GCN1: variants seen among roughly 807,000 people sequenced by gnomAD.
GCN1 encodes the protein stalled ribosome sensor GCN1.
GCN1 carries 90 observed loss-of-function variants against 288.4 expected under a neutral mutation model. The observed-to-expected ratio is 0.31, with a 90% confidence interval of 0.26 to 0.37. The LOEUF (loss-of-function observed/expected upper bound fraction) is 0.37, where lower values mean the gene tolerates loss of function less well. Among genes scored for constraint, GCN1 ranks in the 10% least tolerant of loss-of-function variants. The pLI is 1.00. For synonymous variants in GCN1, 1,386 were observed against 1,420.2 expected (o/e 0.98, Z 0.54); for missense variants, 2,586 against 3,419.9 (o/e 0.76, Z 6.08).
In GCN1 at chr12:120,177,534, G is replaced by A. The variant is rs1878518865; in HGVS notation, c.751C>T (p.Arg251Ter). 2 of 1,609,758 alleles carry A rather than the reference G, an allele frequency of 1.2e-6. No homozygotes were observed. Among genetic ancestry groups the A allele is most frequent in the East Asian group, 2.2e-5 (1 of 44,872 alleles). Reference sequence around the variant, plus strand: ...TTAAATTCTGAGTGGGACAGGTATCGGAGCAGAGGGGCACAGCTATCCTAC... The same window carrying A: ...TTAAATTCTGAGTGGGACAGGTATCAGAGCAGAGGGGCACAGCTATCCTAC... ...YLLDSCAPLL[R>*]YLSHSEFKDL... Residue 251 changes from arginine to a stop codon, truncating the protein, a stop_gained, in exon 9 of 58, where the codon CGA becomes TGA. Coordinates refer to ENST00000300648, the MANE Select transcript of GCN1 (RefSeq NM_006836.2). LOFTEE classifies it high-confidence loss of function.
Position 120,183,588 on chromosome 12 carries a change from C to T in GCN1, c.407G>A (p.Gly136Glu). ...ACCTACCAGTTTGTTCCAGATGTCT[C>T]CTTGTCGCTTGGCTCTCGATGGAAA... ...IVFPSRAKRQ[G>E]DIWNKLVEVQ... The change falls in exon 5 of 58, where the codon GGA becomes GAA. Residue 136 changes from glycine (G) to glutamate (E), a missense_variant. Gly to Glu is a moderately conservative substitution (Grantham distance 98). Around this residue, in one of 8 missense-constraint regions of GCN1, gnomAD observed 913 missense variants for 1,107.0 expected, o/e 0.82. Coordinates refer to ENST00000300648, the MANE Select transcript of GCN1 (RefSeq NM_006836.2). The T allele has an allele frequency of 1.2e-6, 2 of 1,610,076 alleles. No homozygotes were observed. Among genetic ancestry groups the T allele is most frequent in the Non-Finnish European group, 1.7e-6 (2 of 1,176,302 alleles).
rs1488348620 is a variant in GCN1 at position 120,129,340 on chromosome 12, C to CG, written c.7825_7826insC (p.Arg2609ThrfsTer18). On this transcript the variant is annotated frameshift_variant, in exon 57 of 58. Transcript: ENST00000300648. LOFTEE classifies it high-confidence loss of function. ...GACAATTGCCTGGTCGCTGTAGGCC[C>CG]TGACCACGGTGTTCTTATCCTTGGT... 1 of 1,614,062 alleles carries CG rather than the reference C, an allele frequency of 6.2e-7. No individual in the cohort carries two copies. The highest frequency in any genetic ancestry group is 8.5e-7 in the Non-Finnish European group (1 of 1,180,044).
At chr12:120,157,063 G>A in intron 26 of GCN1, 71 bp from the exon 27 acceptor site, 2 of 964,756 alleles carry the variant, frequency 2.1e-6, no homozygotes, top group South Asian at 2.6e-5. Context: ...CCAACGGCAG[G>A]GCATCCTCTC....
chr12:120,175,203 C>G lies in GCN1; in HGVS notation c.1052G>C (p.Gly351Ala), dbSNP rs372810069. ...CTTCTGGGCTACAACAGTTAGTTTT[C>G]CTTCCGAGCCTGAGAAGAGAGACAG... Reference protein sequence around the residue: ...HLFAILGGSEGKLTVVAQKMS... With the variant: ...HLFAILGGSEAKLTVVAQKMS... Residue 351 changes from glycine to alanine, a missense_variant, in exon 12 of 58, where the codon GGA (glycine) becomes GCA (alanine). Gly to Ala is a moderately conservative substitution (Grantham distance 60, BLOSUM62 0). This residue lies in a region of GCN1 where 913 missense variants were observed against 1,107.0 expected (regional missense o/e 0.82). Transcript: ENST00000300648. The G allele has an allele frequency of 3.1e-5, 50 of 1,611,836 alleles. No individual in the cohort carries two copies. The African/African-American group carries it at 5.6e-4, about 18-fold the overall frequency.
chr12:120,142,990 C>T lies in GCN1; in HGVS notation c.5496-49G>A, dbSNP rs368956783. ...GTCACACAGCTGCAAGGAGTGGGCT[C>T]GGCACAACTGAGCACTGCACAGAAG... On this transcript the variant is annotated intron_variant, in intron 42 of 57. Transcript: ENST00000300648. This position sits in a 1 kb window ranked among gnomAD's most constrained non-coding sequence, Gnocchi z 4.9. 2.7e-5 allele frequency: 30 copies of T among 1,114,050 alleles called. No individual in the cohort carries two copies. The highest frequency in any genetic ancestry group is 1.6e-4 in the East Asian group (7 of 42,658). 69.0% of individuals were successfully genotyped at this position (1,114,050 alleles called of 1,614,324 possible).
chr12:120,164,859 CA>C (rs1878049744), intron 16 of GCN1, 138 bp from the exon 17 acceptor site: 2 of 501,816 alleles, frequency 4.0e-6, no homozygotes, highest in African/African-American at 4.0e-5. Context: ...AGTGAAATTA[CA>C]GCTTGTTTTT....
In GCN1 at chr12:120,170,214, C is replaced by A; in HGVS notation, c.1474G>T (p.Ala492Ser). The stretch of plus-strand genomic sequence containing the variant: ...GACAACTTTAAGAGCAACAAGGCTG[C>A]GGCAACCCCTTCAGTGATGGTGGGA... ...QVPTITEGVA[A>S]ALLLLKLSVA... The change falls in exon 15 of 58, where the codon GCA (alanine) becomes TCA (serine). Residue 492 changes from alanine (A) to serine (S), a missense_variant. Coordinates refer to ENST00000300648, the MANE Select transcript of GCN1 (RefSeq NM_006836.2). 1.2e-6 allele frequency: 2 copies of A among 1,614,056 alleles called. No homozygotes were observed. The highest frequency in any genetic ancestry group is 1.7e-6 in the Non-Finnish European group (2 of 1,179,902).
At chr12:120,190,484 G>A in intron 1 of GCN1, 84 bp from the exon 2 acceptor site, 1 of 802,224 alleles carries the variant, frequency 1.2e-6, no homozygotes, top group Admixed American at 1.8e-5. Context: ...TGTAGAATTT[G>A]GGGATCTCTC....
rs201486172 is a variant in GCN1, at chr12:120,155,268, G to A, written c.3603C>T (p.Leu1201=). The A allele has an allele frequency of 1.9e-4, 310 of 1,614,182 alleles. No homozygotes were observed. In the African/African-American group the frequency reaches 2.5e-3, roughly 13 times the overall value. ...AGAGCTTTTCCTGGTAAATCTCCAT[G>A]AGCCTGCCCATAACCTCCGCCGCCT... ...QRQAAEVMGR[L]MEIYQEKLYR... The change falls in exon 30 of 58, where the codon CTC becomes CTT. Residue 1201 remains leucine (L), a synonymous_variant. Transcript: ENST00000300648. The surrounding 1 kb of genome is among the most constrained non-coding windows in gnomAD (Gnocchi z 4.9).
rs555375272 is a variant in GCN1, at chr12:120,137,385, T to TG, written c.6664-67dup. 45 of 1,462,584 alleles carry TG rather than the reference T, an allele frequency of 3.1e-5. No homozygotes were observed. In the Admixed American group the frequency reaches 4.2e-4, roughly 14 times the overall value. 90.6% of individuals were successfully genotyped at this position (1,462,584 alleles called of 1,614,324 possible). ...CTCAAGACTGCTTCCAAAGAATATA[T>TG]GGGGAAAGCGTGGGCGGGAGTATAA... On this transcript the variant is annotated intron_variant, in intron 49 of 57. Transcript: ENST00000300648. This position sits in a 1 kb window ranked among gnomAD's most constrained non-coding sequence, Gnocchi z 5.2.
chr12:120,177,411 A>C, intron 9 of GCN1, 36 bp downstream of exon 9: 1 of 1,050,778 alleles, frequency 9.5e-7, no homozygotes, highest in South Asian at 1.3e-5. Context: ...TAGGCAACTC[A>C]TCTCCCTCCC....
rs1877066447 is a variant in GCN1, at chr12:120,137,976, G to A, written c.6318C>T (p.Thr2106=). ...FLSSVAGDAL[T]RHLGVILPAV... is the part of the protein sequence containing the mutation. ...CTGGGAGGATCACGCCAAGATGACG[G>A]GTGAGGGCATCACCAGCCACTGACG... Residue 2106 remains threonine (T), a synonymous_variant, in exon 48 of 58, where the codon ACC becomes ACT. Transcript: ENST00000300648. The surrounding 1 kb of genome is among the most constrained non-coding windows in gnomAD (Gnocchi z 5.2). 3 of 1,614,022 alleles carry A rather than the reference G, an allele frequency of 1.9e-6. No individual in the cohort carries two copies. Among genetic ancestry groups the A allele is most frequent in the Non-Finnish European group, 2.5e-6 (3 of 1,180,022 alleles).
At chr12:120,181,839 CAAAAAAAA>C (rs1253486479) in intron 5 of GCN1, among the ~76,000 whole-genome samples, 5 of 59,954 alleles carry the variant, frequency 8.3e-5, no homozygotes, top group Non-Finnish European at 6.8e-5. Context: ...AACTCCGTCT[CAAAAAAAA>C]AAAAAAAAAA....
chr12:120,134,520 G>C lies in GCN1; in HGVS notation c.7202+13C>G. On this transcript the variant is annotated intron_variant, in intron 52 of 57. Coordinates refer to ENST00000300648, the MANE Select transcript of GCN1 (RefSeq NM_006836.2). This position sits in a 1 kb window ranked among gnomAD's most constrained non-coding sequence, Gnocchi z 5.0. Reference sequence around the variant, plus strand: ...CTCCTGGAGGCCACAGTGCTCCCTTGCCAGCGCCGTACCTGACACCTGGGT... The same window carrying C: ...CTCCTGGAGGCCACAGTGCTCCCTTCCCAGCGCCGTACCTGACACCTGGGT... 1 of 1,611,176 alleles carries C rather than the reference G, an allele frequency of 6.2e-7. No homozygotes were observed. The highest frequency in any genetic ancestry group is 8.5e-7 in the Non-Finnish European group (1 of 1,177,560).
At chr12:120,172,749 T>C (rs1594282762) in intron 14 of GCN1, among the ~76,000 whole-genome samples, 1 of 152,182 alleles carries the variant, frequency 6.6e-6, no homozygotes, top group Non-Finnish European at 1.5e-5. Flanking sequence ...CCTCAGGTGA[T>C]CCAACCGCCT....
chr12:120,192,119 TCA>T (rs1879020020), intron 1 of GCN1, among the ~76,000 whole-genome samples: 1 of 152,202 alleles, frequency 6.6e-6, no homozygotes, highest in Non-Finnish European at 1.5e-5. Context: ...CCACCTCACT[TCA>T]GTTTGACTTG....
chr12:120,145,629 C>T (rs1390674677), intron 38 of GCN1, among the ~76,000 whole-genome samples: 2 of 152,202 alleles, frequency 1.3e-5, no homozygotes, highest in Non-Finnish European at 2.9e-5. Flanking sequence ...CAAGGCCTGT[C>T]CAGACTCTGG....
In GCN1 at chr12:120,134,986, C is replaced by T. The variant is rs374167702; in HGVS notation, c.7009-260G>A. Among the ~76,000 whole-genome samples, 13 of 152,344 alleles carry T rather than the reference C, an allele frequency of 8.5e-5. No homozygotes were observed. The highest frequency in any genetic ancestry group is 3.1e-4 in the African/African-American group (13 of 41,576). On this transcript the variant is annotated intron_variant, in intron 51 of 57. Coordinates refer to ENST00000300648, the MANE Select transcript of GCN1 (RefSeq NM_006836.2). This position sits in a 1 kb window ranked among gnomAD's most constrained non-coding sequence, Gnocchi z 5.0. ...CGGCCGCTATCTGAGGGAGCTGTCT[C>T]GCAGCCTTGGCTGCGTTGGGGTTTG...
Position 120,140,110 on chromosome 12 carries a change from G to C in GCN1, c.5994+749C>G, listed in dbSNP as rs1018667121. ...CAAATGTAAATTTTAAAAACCAAAC[G>C]TAAGACAAACATCAATATAGGAGAA... On this transcript the variant is annotated intron_variant, in intron 45 of 57. Coordinates refer to ENST00000300648, the MANE Select transcript of GCN1 (RefSeq NM_006836.2). Among the ~76,000 whole-genome samples, 10 of 152,282 alleles carry C rather than the reference G, an allele frequency of 6.6e-5. No individual in the cohort carries two copies. In the South Asian group the frequency reaches 2.1e-3, roughly 32 times the overall value.
Sources: gnomAD v4.1 joint callset for allele counts (sites outside exome capture counted in the v4.1 genomes callset) on GRCh38, gnomAD v4.1.1 for gene constraint, gnomAD v4.1.1 regional missense constraint, Gnocchi (gnomAD v3.1) non-coding constraint, MANE v1.5 for transcripts, NCBI Gene and HGNC (gene_info 2026-07-23, HGNC 2026-07-21) for gene names.